LRRC2: variants seen among roughly 807,000 people sequenced by gnomAD.
LRRC2 encodes leucine rich repeat containing 2.
A neutral mutation model predicts 40.2 loss-of-function variants in LRRC2; 27 were observed. That is an observed-to-expected ratio of 0.67 (90% CI 0.49 to 0.93). The LOEUF (loss-of-function observed/expected upper bound fraction) is 0.93. LRRC2 is among the 40% of genes least tolerant of loss of function. LRRC2 has a pLI of 0.00. For synonymous variants in LRRC2, 147 were observed against 158.9 expected, an observed-to-expected ratio of 0.92 and a Z score of 0.56; for missense variants, 402 against 439.6, an observed-to-expected ratio of 0.91 and a Z score of 0.76.
At chr3:46,542,487 G>T (rs149966346) in intron 3 of LRRC2, among the ~76,000 whole-genome samples, 24 of 148,892 alleles carry the variant, frequency 1.6e-4, no homozygotes, top group South Asian at 1.1e-3. Context: ...ACTAAGCAGG[G>T]CTCTGTCTCA....
chr3:46,519,594 C>G (rs1703929072), intron 8 of LRRC2, among the ~76,000 whole-genome samples: 1 of 152,224 alleles, frequency 6.6e-6, no homozygotes. Context: ...CAATGGCTCT[C>G]AAAGTGTACT....
intron 7 of LRRC2, 99 bp downstream of exon 7, chr3:46,527,327 G>T: frequency 8.1e-7 from 1 of 1,240,896 alleles, no homozygotes; most frequent in Non-Finnish European, 1.2e-6. Context: ...GAGTACGAGA[G>T]CCATCTAATC....
At chr3:46,534,161 G>C (rs941145859) in intron 4 of LRRC2, among the ~76,000 whole-genome samples, 14 of 152,066 alleles carry the variant, frequency 9.2e-5, no homozygotes, top group African/African-American at 3.1e-4. Context: ...CCCACTGTGA[G>C]TGAGAACATG....
intron 3 of LRRC2, among the ~76,000 whole-genome samples, chr3:46,541,617 A>G (rs1020911032): frequency 6.6e-5 from 10 of 152,216 alleles, no homozygotes; most frequent in Admixed American, 6.5e-4. Flanking sequence ...CTAGCAGCAG[A>G]AACAACTGAG....
intron 4 of LRRC2, among the ~76,000 whole-genome samples, chr3:46,537,622 A>G (rs1213082905): frequency 6.6e-6 from 1 of 152,214 alleles, no homozygotes; most frequent in African/African-American, 2.4e-5. Flanking sequence ...CAGGAGGTAA[A>G]TGACCCCTTA....
chr3:46,562,585 A>G (rs959334717), intron 1 of LRRC2, among the ~76,000 whole-genome samples: 2 of 152,184 alleles, frequency 1.3e-5, no homozygotes, highest in African/African-American at 2.4e-5. Context: ...GCCTCCTTGA[A>G]TATGCACTTG....
chr3:46,559,430 T>A lies in LRRC2; in HGVS notation c.-20+6747A>T, dbSNP rs1704887291. On this transcript the variant is annotated intron_variant, in intron 1 of 8. Coordinates refer to ENST00000395905, the MANE Select transcript of LRRC2 (RefSeq NM_024512.5). ...GCCACAGTAACTGAAGCTGGAAGAA[T>A]TACTCCCTACACACAGGGCTCGTGT... 3 of 152,228 alleles carry A rather than the reference T, an allele frequency of 2.0e-5. No homozygotes were observed. In the South Asian group the frequency reaches 6.2e-4, roughly 32 times the overall value. The allele number at this position is 152,228 out of a possible 1,614,324, so 9.4% of individuals were successfully genotyped here.
Position 46,541,205 on chromosome 3 carries a change from C to T in LRRC2, c.334-2004G>A, listed in dbSNP as rs972934645. The stretch of plus-strand genomic sequence containing the variant: ...AACATTAGCCGGGCGTGGTGGCGGG[C>T]GCCTGCAGTCCCAGCTGCTCGGGAG... On this transcript the variant is annotated intron_variant, in intron 3 of 8. Transcript: ENST00000395905. Among the ~76,000 whole-genome samples the T allele has an allele frequency of 1.7e-4, 26 of 151,900 alleles. 1 individual carries two copies. In the South Asian group the frequency reaches 3.5e-3, roughly 21 times the overall value.
chr3:46,533,415 G>A (rs1443021843), intron 4 of LRRC2, among the ~76,000 whole-genome samples: 1 of 152,138 alleles, frequency 6.6e-6, no homozygotes. Context: ...GAGTAAAAAT[G>A]TTTAAATACA....
intron 1 of LRRC2, among the ~76,000 whole-genome samples, chr3:46,557,246 C>A (rs1704825737): frequency 6.6e-6 from 1 of 152,146 alleles, no homozygotes; most frequent in Non-Finnish European, 1.5e-5. Context: ...TTGTGGAAGT[C>A]CCTTTTCCTG....
rs1402589798 is a variant in LRRC2 at position 46,518,985 on chromosome 3, T to C, written c.*29A>G. 6.9e-7 allele frequency: 1 copy of C among 1,456,456 alleles called. No homozygotes were observed. Among genetic ancestry groups the C allele is most frequent in the Non-Finnish European group, 9.6e-7 (1 of 1,036,566 alleles). The allele number at this position is 1,456,456 out of a possible 1,614,324, so 90.2% of individuals were successfully genotyped here. A position where few individuals can be genotyped will look rare whatever the true frequency, so the allele number is the denominator to read the frequency against. ...AAGATTTATATATAGCTCCAGAGAA[T>C]AGTGAGATTTGCAGTCTTCTGATGG... On this transcript the variant is annotated 3_prime_UTR_variant, in exon 9 of 9. Coordinates refer to ENST00000395905, the MANE Select transcript of LRRC2 (RefSeq NM_024512.5).
chr3:46,542,828 C>T (rs557987849), intron 3 of LRRC2, among the ~76,000 whole-genome samples: 1 of 152,278 alleles, frequency 6.6e-6, no homozygotes, highest in South Asian at 2.1e-4. Context: ...GAGCCCCAGC[C>T]CTCAGCCCAA....
At chr3:46,539,296 A>G in intron 3 of LRRC2, 95 bp from the exon 4 acceptor site, 2 of 1,228,056 alleles carry the variant, frequency 1.6e-6, no homozygotes, top group Non-Finnish European at 2.3e-6. Flanking sequence ...GGAAGTGAGA[A>G]AGCAGACACG....
chr3:46,521,683 T>A, intron 7 of LRRC2, 25 bp from the exon 8 acceptor site: 1 of 1,598,758 alleles, frequency 6.3e-7, no homozygotes, highest in Non-Finnish European at 8.5e-7. Flanking sequence ...ATGGGAAGTA[T>A]CACATTATCA....
chr3:46,543,739 C>G (rs1219066121), intron 3 of LRRC2, among the ~76,000 whole-genome samples: 1 of 152,062 alleles, frequency 6.6e-6, no homozygotes, highest in African/African-American at 2.4e-5. Flanking sequence ...ACTGGACACC[C>G]TTACAGGGTA....
Position 46,532,765 on chromosome 3 carries a change from T to C in LRRC2, c.627+8A>G, listed in dbSNP as rs1433904402. The C allele has an allele frequency of 6.2e-7, 1 of 1,611,960 alleles. No individual in the cohort carries two copies. Reference sequence around the variant, plus strand: ...GTGAATCGTAGTACAGAAATGTTTATCTCTTACTTCAAAGGGCAGCTCCAT... The same window carrying C: ...GTGAATCGTAGTACAGAAATGTTTACCTCTTACTTCAAAGGGCAGCTCCAT... On this transcript the variant is annotated splice_region_variant and intron_variant, in intron 5 of 8. Transcript: ENST00000395905.
intron 4 of LRRC2, among the ~76,000 whole-genome samples, chr3:46,538,627 T>C (rs1166112398): frequency 2.6e-5 from 4 of 151,482 alleles, no homozygotes; most frequent in Non-Finnish European, 5.9e-5. Context: ...AGAGCGAAAC[T>C]CCGTCTCAAG....
At chr3:46,561,711 C>T (rs1421731752) in intron 1 of LRRC2, among the ~76,000 whole-genome samples, 2 of 152,206 alleles carry the variant, frequency 1.3e-5, no homozygotes, top group African/African-American at 4.8e-5. Flanking sequence ...TACTCAGTCA[C>T]CAGCTCCTGA....
chr3:46,519,094 C>A (rs1220474877), intron 8 of LRRC2, 31 bp from the exon 9 acceptor site: 1 of 1,480,974 alleles, frequency 6.8e-7, no homozygotes, highest in Non-Finnish European at 9.4e-7. Flanking sequence ...TATGCTCAAT[C>A]ATTCACCATT....
Sources: allele counts gnomAD v4.1 joint callset (sites outside exome capture counted in the v4.1 genomes callset), GRCh38; gene constraint gnomAD v4.1.1; transcripts MANE v1.5; gene names NCBI Gene and HGNC (gene_info 2026-07-23, HGNC 2026-07-21).